Variants in DPP10 observed in about 807,000 individuals in gnomAD.
DPP10 encodes inactive dipeptidyl peptidase 10.
A neutral mutation model predicts 120.9 loss-of-function variants in DPP10; 33 were observed. That is an observed-to-expected ratio of 0.27 (90% CI 0.21 to 0.37). The LOEUF (loss-of-function observed/expected upper bound fraction) is 0.37, where lower values mean the gene tolerates loss of function less well. Among genes scored for constraint, DPP10 ranks in the 10% least tolerant of loss-of-function variants. The pLI, the probability that DPP10 is intolerant of heterozygous loss-of-function variation, is 1.00. For synonymous variants in DPP10, 337 were observed against 326.1 expected (o/e 1.03, Z -0.36); for missense variants, 816 against 942.8 (o/e 0.87, Z 1.76).
At chr2:115,650,885 G>T (rs554669638) in intron 5 of DPP10, among the ~76,000 whole-genome samples, 6 of 151,946 alleles carry the variant, frequency 3.9e-5, no homozygotes, top group Non-Finnish European at 7.4e-5. Context: ...AATGTCCAAC[G>T]AAGGGAAGAG....
chr2:114,630,035 A>G (rs548742505), intron 1 of DPP10, among the ~76,000 whole-genome samples: 3 of 152,302 alleles, frequency 2.0e-5, no homozygotes, highest in Admixed American at 1.3e-4. Flanking sequence ...ATGTGTACAT[A>G]TATACAAATA....
chr2:115,157,244 C>CAAAAAAAAAAA (rs569338436), intron 1 of DPP10, among the ~76,000 whole-genome samples: 45 of 101,486 alleles, frequency 4.4e-4, no homozygotes, highest in African/African-American at 1.6e-3. Context: ...TTAAATATAG[C>CAAAAAAAAAAA]AAAAAAAAAA....
chr2:114,736,205 A>G (rs1437535892), intron 1 of DPP10, among the ~76,000 whole-genome samples: 1 of 151,834 alleles, frequency 6.6e-6, no homozygotes, highest in East Asian at 2.0e-4. Flanking sequence ...AAGTAATGCC[A>G]TGCTCCTCCC....
rs184320228 is a variant in DPP10 at position 114,634,262 on chromosome 2, T to C, written c.60+191424T>C. Reference sequence around the variant, plus strand: ...ATTTTGTTTCTCAAATATGAAAAGCTTTTACATAGTTCAAAAGTTAAATGA... The same window carrying C: ...ATTTTGTTTCTCAAATATGAAAAGCCTTTACATAGTTCAAAAGTTAAATGA... On this transcript the variant is annotated intron_variant, in intron 1 of 25. Transcript: ENST00000410059. Among the ~76,000 whole-genome samples, 3 of 152,048 alleles carry C rather than the reference T, an allele frequency of 2.0e-5. No homozygotes were observed. In the East Asian group the frequency reaches 5.8e-4, roughly 29 times the overall value.
intron 1 of DPP10, among the ~76,000 whole-genome samples, chr2:115,151,399 G>T (rs928036788): frequency 6.7e-6 from 1 of 148,954 alleles, no homozygotes; most frequent in South Asian, 2.1e-4. Flanking sequence ...TAAATTTCAG[G>T]ATTACTTTCT....
chr2:114,467,132 T>G (rs17048392), intron 1 of DPP10, among the ~76,000 whole-genome samples: 2,927 of 152,274 alleles, frequency 0.019, 105 homozygotes, highest in African/African-American at 0.067. Context: ...TGTGGATTTA[T>G]TTTTACTTCA....
intron 3 of DPP10, among the ~76,000 whole-genome samples, chr2:115,495,773 C>A (rs1458463254): frequency 6.6e-6 from 1 of 152,128 alleles, no homozygotes; most frequent in African/African-American, 2.4e-5. Flanking sequence ...TGATTCTATT[C>A]TGCCATACAT....
chr2:115,801,088 G>C (rs370563021), intron 19 of DPP10, among the ~76,000 whole-genome samples: 7 of 152,024 alleles, frequency 4.6e-5, no homozygotes, highest in African/African-American at 1.4e-4. Context: ...TCTTCCATTT[G>C]TTTGTATCCT....
At chr2:115,393,561 T>C (rs1199483024) in intron 3 of DPP10, among the ~76,000 whole-genome samples, 1 of 152,002 alleles carries the variant, frequency 6.6e-6, no homozygotes, top group Non-Finnish European at 1.5e-5. Context: ...TAAATTGAGG[T>C]ATGAGGAGAA....
At chr2:115,138,410 G>A (rs1423219081) in intron 1 of DPP10, among the ~76,000 whole-genome samples, 2 of 152,112 alleles carry the variant, frequency 1.3e-5, no homozygotes, top group African/African-American at 4.8e-5. Context: ...TTAAAGAGTG[G>A]CATTTTGAAA....
At chr2:115,714,421 A>G (rs973766935) in intron 7 of DPP10, among the ~76,000 whole-genome samples, 5 of 152,210 alleles carry the variant, frequency 3.3e-5, no homozygotes, top group African/African-American at 1.2e-4. Flanking sequence ...TTGTATCTCC[A>G]AAATTGGACC....
chr2:115,102,075 C>T (rs902747596), intron 1 of DPP10, among the ~76,000 whole-genome samples: 9 of 152,320 alleles, frequency 5.9e-5, no homozygotes, highest in Admixed American at 2.6e-4. Context: ...GAGTGACTTA[C>T]ACAACAGACA....
chr2:115,203,843 A>G (rs568967894), intron 1 of DPP10, among the ~76,000 whole-genome samples: 16 of 152,008 alleles, frequency 1.1e-4, no homozygotes, highest in Non-Finnish European at 1.9e-4. Context: ...TATCTATTCA[A>G]TCAAAATTCT....
intron 1 of DPP10, among the ~76,000 whole-genome samples, chr2:115,206,318 C>G (rs2056124965): frequency 6.6e-6 from 1 of 152,030 alleles, no homozygotes; most frequent in Admixed American, 6.6e-5. Context: ...TCTATAGCAC[C>G]ATAAATTAGC....
chr2:115,036,193 A>G (rs1012825254), intron 1 of DPP10, among the ~76,000 whole-genome samples: 4 of 152,160 alleles, frequency 2.6e-5, no homozygotes, highest in Non-Finnish European at 5.9e-5. Context: ...GAAATGCCAG[A>G]CCCTTGTAAA....
intron 1 of DPP10, among the ~76,000 whole-genome samples, chr2:115,302,257 C>T (rs1045256842): frequency 5.3e-5 from 8 of 151,978 alleles, no homozygotes; most frequent in African/African-American, 1.9e-4. Flanking sequence ...TCCCACTAGG[C>T]CCCTTCTCCA....
intron 1 of DPP10, among the ~76,000 whole-genome samples, chr2:115,092,297 A>G (rs960302988): frequency 2.0e-5 from 3 of 152,118 alleles, no homozygotes; most frequent in Non-Finnish European, 4.4e-5. Context: ...TTTATTGCTC[A>G]TTTCCAGAAT....
At chr2:114,704,899 A>G (rs1284663979) in intron 1 of DPP10, among the ~76,000 whole-genome samples, 1 of 152,122 alleles carries the variant, frequency 6.6e-6, no homozygotes, top group Non-Finnish European at 1.5e-5. Context: ...TGTCCTTATA[A>G]GAAAAGGAAG....
At chr2:114,641,870 T>C (rs1437872111) in intron 1 of DPP10, among the ~76,000 whole-genome samples, 1 of 151,934 alleles carries the variant, frequency 6.6e-6, no homozygotes, top group Admixed American at 6.5e-5. Flanking sequence ...AAAACCAACC[T>C]CATCACTTAC....
Sources: gnomAD v4.1 joint callset for allele counts (sites outside exome capture counted in the v4.1 genomes callset) on GRCh38, gnomAD v4.1.1 for gene constraint, MANE v1.5 for transcripts, NCBI Gene and HGNC (gene_info 2026-07-23, HGNC 2026-07-21) for gene names.